The following SHISA6 variants were observed in gnomAD, a reference collection of about 807,000 sequenced individuals.
The protein encoded by SHISA6 is protein shisa-6.
A neutral mutation model predicts 47.9 loss-of-function variants in SHISA6; 22 were observed. That is an observed-to-expected ratio of 0.46 (90% CI 0.33 to 0.66). The LOEUF (loss-of-function observed/expected upper bound fraction) is 0.66, where lower values mean the gene tolerates loss of function less well. Ranked by LOEUF, SHISA6 falls within the 30% of genes least tolerant of loss-of-function variation. The pLI is 0.02. For missense variants in SHISA6, 680 were observed against 764.6 expected, an observed-to-expected ratio of 0.89 and a Z score of 1.30; for synonymous variants, 388 against 337.8, an observed-to-expected ratio of 1.15 and a Z score of -1.63.
At chr17:11,388,839 T>TATATATATA (rs1555532195) in intron 3 of SHISA6, among the ~76,000 whole-genome samples, 6 of 102,278 alleles carry the variant, frequency 5.9e-5, no homozygotes, top group African/African-American at 2.6e-4. Flanking sequence ...TATATATATA[T>TATATATATA]ATTTTAAAAA....
chr17:11,511,312 G>A lies in SHISA6; in HGVS notation c.896-40584G>A, dbSNP rs2071539512. On this transcript the variant is annotated intron_variant, in intron 3 of 5. Transcript: ENST00000441885. The stretch of plus-strand genomic sequence containing the variant: ...GGGTGAGGGGGCAAGGGGAGGGAGA[G>A]CATTAGGACAAATACCTAACGCATG... 2.0e-5 allele frequency among the ~76,000 whole-genome samples: 3 copies of A among 152,064 alleles called. No individual in the cohort carries two copies. In the South Asian group the frequency reaches 6.2e-4, roughly 32 times the overall value.
chr17:11,282,494 AC>A (rs1274068966), intron 2 of SHISA6, among the ~76,000 whole-genome samples: 1 of 151,740 alleles, frequency 6.6e-6, no homozygotes, highest in Non-Finnish European at 1.5e-5. Context: ...GGTTTGCTGC[AC>A]CCATCAACTC....
intron 2 of SHISA6, among the ~76,000 whole-genome samples, chr17:11,374,853 T>G (rs1912743475): frequency 6.6e-6 from 1 of 151,942 alleles, no homozygotes; most frequent in African/African-American, 2.4e-5. Flanking sequence ...TAATTCATAT[T>G]ATATGTAACA....
intron 3 of SHISA6, among the ~76,000 whole-genome samples, chr17:11,506,069 G>A (rs1478691315): frequency 6.6e-6 from 1 of 152,180 alleles, no homozygotes; most frequent in East Asian, 1.9e-4. Flanking sequence ...CACTGAAATA[G>A]GAGATAGGGA....
At chr17:11,411,373 T>C (rs564006745) in intron 3 of SHISA6, among the ~76,000 whole-genome samples, 1 of 152,188 alleles carries the variant, frequency 6.6e-6, no homozygotes, top group Admixed American at 6.5e-5. Context: ...CCCACATATT[T>C]ATTTTATTGT....
intron 3 of SHISA6, among the ~76,000 whole-genome samples, chr17:11,442,011 C>T (rs1186675294): frequency 6.6e-6 from 1 of 152,222 alleles, no homozygotes; most frequent in East Asian, 1.9e-4. Flanking sequence ...AGCAGGAAAA[C>T]TGCAGCATTG....
chr17:11,512,553 A>G (rs1425560234), intron 3 of SHISA6, among the ~76,000 whole-genome samples: 2 of 152,208 alleles, frequency 1.3e-5, no homozygotes, highest in African/African-American at 4.8e-5. Context: ...TTTTAAACTG[A>G]AAAAAGTTGT....
chr17:11,459,793 G>A (rs532052276), intron 3 of SHISA6, among the ~76,000 whole-genome samples: 3 of 152,302 alleles, frequency 2.0e-5, no homozygotes, highest in South Asian at 2.1e-4. Context: ...AACACATCAC[G>A]GGAACTAGTT....
intron 2 of SHISA6, among the ~76,000 whole-genome samples, chr17:11,314,246 T>A (rs1910431268): frequency 6.6e-6 from 1 of 152,236 alleles, no homozygotes; most frequent in Non-Finnish European, 1.5e-5. Flanking sequence ...ATTAACATTT[T>A]AAATTTTCAT....
intron 2 of SHISA6, among the ~76,000 whole-genome samples, chr17:11,350,356 C>A (rs56057657): frequency 0.99 from 117,210 of 118,130 alleles, 58,169 homozygotes; most frequent in South Asian, 1. Flanking sequence ...ATTTTTTTGT[C>A]ATTTTAGTAG....
At position 11,563,754 on chromosome 17, in the gene SHISA6, G is replaced by A. The variant is rs2072067229; in HGVS notation, c.*5450G>A. 6.6e-6 allele frequency: 1 copy of A among 152,094 alleles called. No homozygotes were observed. Among genetic ancestry groups the A allele is most frequent in the African/African-American group, 2.4e-5 (1 of 41,402 alleles). The allele number at this position is 152,094 out of a possible 1,614,324, so 9.4% of individuals were successfully genotyped here. A position where few individuals can be genotyped will look rare whatever the true frequency, so the allele number is the denominator to read the frequency against. On this transcript the variant is annotated 3_prime_UTR_variant, in exon 6 of 6. Transcript: ENST00000441885. ...TTTGGGGACACAATTTCCTAAGGGG[G>A]GATTAATGAACATTTTTATGCATTA...
At chr17:11,377,961 CAT>C (rs764251883) in intron 2 of SHISA6, among the ~76,000 whole-genome samples, 49 of 152,214 alleles carry the variant, frequency 3.2e-4, no homozygotes, top group Non-Finnish European at 6.8e-4. Flanking sequence ...CATAGGTAAA[CAT>C]GTGCTAAGGT....
intron 3 of SHISA6, among the ~76,000 whole-genome samples, chr17:11,381,103 A>G (rs1912991444): frequency 6.6e-6 from 1 of 152,176 alleles, no homozygotes; most frequent in Non-Finnish European, 1.5e-5. Flanking sequence ...TTCGGAGGCC[A>G]GCTACCACAA....
chr17:11,391,568 T>C (rs973229603), intron 3 of SHISA6, among the ~76,000 whole-genome samples: 5 of 152,140 alleles, frequency 3.3e-5, no homozygotes, highest in African/African-American at 1.2e-4. Context: ...CCCTCACCTC[T>C]ACTCTTCTCA....
chr17:11,309,222 C>T (rs112156176), intron 2 of SHISA6, among the ~76,000 whole-genome samples: 4 of 152,332 alleles, frequency 2.6e-5, no homozygotes, highest in African/African-American at 9.6e-5. Flanking sequence ...GCCTCAGCCT[C>T]CCAAGTAGCT....
At chr17:11,369,716 T>TTTGTCTTGGCC (rs1404714691) in intron 2 of SHISA6, among the ~76,000 whole-genome samples, 1 of 152,190 alleles carries the variant, frequency 6.6e-6, no homozygotes, top group Admixed American at 6.5e-5. Flanking sequence ...CTTTTCAGGG[T>TTTGTCTTGGCC]TTGTCTTGGC....
chr17:11,462,167 T>C (rs911359821), intron 3 of SHISA6, among the ~76,000 whole-genome samples: 9 of 152,104 alleles, frequency 5.9e-5, no homozygotes, highest in Admixed American at 5.9e-4. Flanking sequence ...ACCCCTGCTT[T>C]CCCTCCCCCT....
chr17:11,358,001 G>A (rs192367418), intron 2 of SHISA6, among the ~76,000 whole-genome samples: 8 of 152,108 alleles, frequency 5.3e-5, no homozygotes, highest in African/African-American at 1.4e-4. Context: ...TTAAATATAT[G>A]CTAAAAATAT....
chr17:11,409,703 C>CAAAAA (rs35351476), intron 3 of SHISA6, among the ~76,000 whole-genome samples: 1 of 82,164 alleles, frequency 1.2e-5, no homozygotes, highest in African/African-American at 4.1e-5. Flanking sequence ...GACTCCATCT[C>CAAAAA]AAAAAAAAAA....
Sources: allele counts gnomAD v4.1 joint callset (sites outside exome capture counted in the v4.1 genomes callset), GRCh38; gene constraint gnomAD v4.1.1; transcripts MANE v1.5; gene names NCBI Gene and HGNC (gene_info 2026-07-23, HGNC 2026-07-21).